The following ATP2B2 variants were observed in gnomAD, a reference collection of about 807,000 sequenced individuals.
ATP2B2 encodes the protein plasma membrane calcium-transporting ATPase 2.
A neutral mutation model predicts 120.0 loss-of-function variants in ATP2B2; 15 were observed. The observed-to-expected ratio is 0.12, with a 90% CI of 0.08 to 0.19. The LOEUF is 0.19. ATP2B2 is among the 10% of genes least tolerant of loss of function. The pLI is 1.00. For missense variants in ATP2B2, 1,045 were observed against 1,719.8 expected (o/e 0.61, Z 6.94); for synonymous variants, 694 against 700.3 (o/e 0.99, Z 0.14).
chr3:10,708,065 C>A (rs2071929047), upstream of ATP2B2: 2 of 143,730 alleles, frequency 1.4e-5, no homozygotes, highest in South Asian at 1.8e-4. Flanking sequence ...CGCCGCCGCC[C>A]GCCCGCCTCC....
intron 1 of ATP2B2, among the ~76,000 whole-genome samples, chr3:10,647,356 C>T (rs185874349): frequency 6.6e-6 from 1 of 152,046 alleles, no homozygotes; most frequent in African/African-American, 2.4e-5. Context: ...GACATCTCAC[C>T]GTGAGATCAA....
At chr3:10,480,018 C>G (rs1171144006) in intron 1 of ATP2B2, among the ~76,000 whole-genome samples, 1 of 152,092 alleles carries the variant, frequency 6.6e-6, no homozygotes, top group Non-Finnish European at 1.5e-5. Flanking sequence ...TTGCTTGAGC[C>G]CAAGGAGTTT....
rs181786356 is a variant in ATP2B2 at position 10,393,192 on chromosome 3, C to T, written c.782-4790G>A. 2.1e-3 allele frequency among the ~76,000 whole-genome samples: 327 copies of T among 152,270 alleles called. 1 individual carries two copies. The highest frequency in any genetic ancestry group is 3.1e-3 in the Non-Finnish European group (208 of 68,014). On this transcript the variant is annotated intron_variant, in intron 5 of 22. Transcript: ENST00000360273. ...AGACAAAACCAAGCCAAGGACATGG[C>T]GGGCCGGAAGGGACACAGCCAGGCA...
intron 2 of ATP2B2, among the ~76,000 whole-genome samples, chr3:10,556,829 C>T (rs1338381294): frequency 1.3e-5 from 2 of 152,190 alleles, no homozygotes; most frequent in African/African-American, 4.8e-5. Context: ...CATATCTTGT[C>T]ACTGAATTCT....
At chr3:10,622,197 T>C (rs940598352) in intron 1 of ATP2B2, among the ~76,000 whole-genome samples, 1 of 152,204 alleles carries the variant, frequency 6.6e-6, no homozygotes, top group Non-Finnish European at 1.5e-5. Context: ...AGTGTCATCC[T>C]AGAGCTGTGG....
intron 1 of ATP2B2, among the ~76,000 whole-genome samples, chr3:10,460,697 C>T (rs2064452216): frequency 6.6e-6 from 1 of 152,210 alleles, no homozygotes; most frequent in Non-Finnish European, 1.5e-5. Flanking sequence ...AAAGGTGACT[C>T]AGGGTCACTG....
At chr3:10,398,159 C>T (rs1481763195) in intron 5 of ATP2B2, among the ~76,000 whole-genome samples, 1 of 152,174 alleles carries the variant, frequency 6.6e-6, no homozygotes, top group African/African-American at 2.4e-5. Flanking sequence ...CTGATGGGAA[C>T]ACTTTGCACA....
chr3:10,465,645 T>C (rs2064704189), intron 1 of ATP2B2, among the ~76,000 whole-genome samples: 1 of 152,234 alleles, frequency 6.6e-6, no homozygotes, highest in Non-Finnish European at 1.5e-5. Context: ...CCACCATACT[T>C]ACTCCCTGCC....
chr3:10,574,470 T>TA (rs1417699666), intron 2 of ATP2B2, among the ~76,000 whole-genome samples: 1 of 152,226 alleles, frequency 6.6e-6, no homozygotes. Flanking sequence ...CAGAGCATAC[T>TA]AGGCAAGGGG....
At chr3:10,497,042 G>A (rs1234554124) in intron 1 of ATP2B2, among the ~76,000 whole-genome samples, 1 of 152,252 alleles carries the variant, frequency 6.6e-6, no homozygotes. Flanking sequence ...CAGGATGGTT[G>A]GCAGGCTCTG....
At chr3:10,419,560 T>A (rs984722231) in intron 2 of ATP2B2, among the ~76,000 whole-genome samples, 2 of 152,230 alleles carry the variant, frequency 1.3e-5, no homozygotes, top group Non-Finnish European at 2.9e-5. Context: ...CTGGTTGGCA[T>A]CTACCTTTCC....
At chr3:10,492,618 T>A (rs2065976378) in intron 1 of ATP2B2, among the ~76,000 whole-genome samples, 1 of 152,164 alleles carries the variant, frequency 6.6e-6, no homozygotes, top group South Asian at 2.1e-4. Flanking sequence ...CACGGGAGAC[T>A]GTGAATTGCA....
At chr3:10,409,461 C>T (rs2062532030) in intron 3 of ATP2B2, among the ~76,000 whole-genome samples, 1 of 152,020 alleles carries the variant, frequency 6.6e-6, no homozygotes, top group African/African-American at 2.4e-5. Context: ...GTCTTGGCTG[C>T]CAGGAACCTC....
intron 2 of ATP2B2, among the ~76,000 whole-genome samples, chr3:10,598,540 G>C (rs2068825944): frequency 1.3e-5 from 2 of 152,172 alleles, no homozygotes; most frequent in Non-Finnish European, 2.9e-5. Context: ...CTGAGAAAAA[G>C]AGAATGCCAC....
intron 2 of ATP2B2, among the ~76,000 whole-genome samples, chr3:10,433,678 G>T (rs1011477446): frequency 3.3e-5 from 5 of 152,144 alleles, no homozygotes; most frequent in African/African-American, 1.2e-4. Flanking sequence ...TGGACATAGG[G>T]GATTTGAAAA....
chr3:10,385,220 A>C, intron 8 of ATP2B2, 48 bp downstream of exon 8: 1 of 1,581,548 alleles, frequency 6.3e-7, no homozygotes, highest in Non-Finnish European at 8.7e-7. Flanking sequence ...GGTGGGGGTG[A>C]GAGACGCCCA....
intron 2 of ATP2B2, among the ~76,000 whole-genome samples, chr3:10,606,904 CACACACACAGAGAGAGAG>C (rs1369949835): frequency 3.0e-4 from 9 of 29,898 alleles, no homozygotes; most frequent in South Asian, 1.9e-3. Flanking sequence ...CACACACACA[CACACACACAGAGAGAGAG>C]AGAGAGAGAG....
In ATP2B2 at chr3:10,496,091, G is replaced by T. The variant is rs2066135369; in HGVS notation, c.-320+9374C>A. On this transcript the variant is annotated intron_variant, in intron 1 of 22. Coordinates refer to ENST00000360273, the MANE Select transcript of ATP2B2 (RefSeq NM_001001331.4). ...CTCAGAAATCTGAAATTGGCTGGGGGTGGGATGGGGAGAAGGGCTTCATTT... is the reference window on the plus strand; with the variant it reads ...CTCAGAAATCTGAAATTGGCTGGGGTTGGGATGGGGAGAAGGGCTTCATTT... 1.3e-5 allele frequency among the ~76,000 whole-genome samples: 2 copies of T among 152,328 alleles called. 1 individual carries two copies. Among genetic ancestry groups the T allele is most frequent in the Admixed American group, 1.3e-4 (2 of 15,306 alleles).
chr3:10,358,979 G>A, intron 13 of ATP2B2, 54 bp from the exon 14 acceptor site: 2 of 1,558,802 alleles, frequency 1.3e-6, no homozygotes, highest in South Asian at 1.1e-5. Flanking sequence ...CTTCTGAAAG[G>A]CTTAGAGACC....
Sources: allele counts gnomAD v4.1 joint callset (sites outside exome capture counted in the v4.1 genomes callset), GRCh38; gene constraint gnomAD v4.1.1; transcripts MANE v1.5; gene names NCBI Gene and HGNC (gene_info 2026-07-23, HGNC 2026-07-21).